Variants in UMAD1 observed in about 807,000 individuals in gnomAD.
The protein encoded by UMAD1 is UBAP1-MVB12-associated (UMA)-domain containing protein 1.
In UMAD1, 8 loss-of-function variants were observed where a neutral mutation model predicts 6.1. That is an observed-to-expected ratio of 1.30 (90% confidence interval 0.76 to 2.35). The LOEUF (loss-of-function observed/expected upper bound fraction) is 2.35. Among genes scored for constraint, UMAD1 ranks in the 30% most tolerant of loss-of-function variants. The pLI is 0.00. For missense variants in UMAD1, 130 were observed against 78.4 expected (o/e 1.66, Z -2.49); for synonymous variants, 56 against 31.4 (o/e 1.78, Z -2.61).
At chr7:7,759,440 G>A (rs542389838) in intron 2 of UMAD1, among the ~76,000 whole-genome samples, 4 of 152,300 alleles carry the variant, frequency 2.6e-5, no homozygotes, top group South Asian at 2.1e-4. Context: ...ATAAGAGTCC[G>A]GTTACATCGA....
At position 7,796,244 on chromosome 7, in the gene UMAD1, C is replaced by CTTTTTTTTTTTTTTTTTTTTTTTT. The variant is rs59221325; in HGVS notation, c.83-5425_83-5402dup. ...ACTTTGACCCATTTCTATTTTCTTT[C>CTTTTTTTTTTTTTTTTTTTTTTTT]TTTTTTTTTTTTTTTTTTTTTTTTG... On this transcript the variant is annotated intron_variant, in intron 2 of 3. Coordinates refer to ENST00000682710, the MANE Select transcript of UMAD1 (RefSeq NM_001302348.2). Among the ~76,000 whole-genome samples the CTTTTTTTTTTTTTTTTTTTTTTTT allele has an allele frequency of 6.7e-4, 43 of 63,950 alleles. 9 individuals carry two copies. The highest frequency in any genetic ancestry group is 3.6e-3 in the African/African-American group (37 of 10,242). The allele number at this position is 63,950 out of a possible 152,430, so 42.0% of individuals were successfully genotyped here.
rs200715443 is a variant in UMAD1 at position 7,785,352 on chromosome 7, T to C, written c.83-16318T>C. Among the ~76,000 whole-genome samples, 3 of 152,184 alleles carry C rather than the reference T, an allele frequency of 2.0e-5. No homozygotes were observed. The East Asian group carries it at 5.8e-4, about 29-fold the overall frequency. On this transcript the variant is annotated intron_variant, in intron 2 of 3. Transcript: ENST00000682710. ...GGAAGAATGTTCAAGACACACAGAG[T>C]AGCACACCTGAACGGAAGCAGATTT...
intron 2 of UMAD1, among the ~76,000 whole-genome samples, chr7:7,687,653 A>C (rs150805963): frequency 6.6e-6 from 1 of 152,206 alleles, no homozygotes; most frequent in Non-Finnish European, 1.5e-5. Context: ...ATTGCTGCCA[A>C]ACTCTGGTTG....
intron 2 of UMAD1, among the ~76,000 whole-genome samples, chr7:7,784,953 G>T (rs1430214946): frequency 6.6e-6 from 1 of 151,912 alleles, no homozygotes; most frequent in African/African-American, 2.4e-5. Context: ...TAGTAGAGAC[G>T]GGGTTTCACC....
intron 2 of UMAD1, among the ~76,000 whole-genome samples, chr7:7,756,119 A>G (rs921899950): frequency 6.6e-6 from 1 of 152,200 alleles, no homozygotes; most frequent in Non-Finnish European, 1.5e-5. Context: ...AAATGCTAAA[A>G]CTAGGCATAG....
intron 2 of UMAD1, among the ~76,000 whole-genome samples, chr7:7,685,116 G>T (rs1005954069): frequency 6.6e-6 from 1 of 152,088 alleles, no homozygotes; most frequent in Non-Finnish European, 1.5e-5. Context: ...TAAGTAAAAT[G>T]TACAGTATGA....
chr7:7,813,777 G>C (rs1273752350), intron 3 of UMAD1, among the ~76,000 whole-genome samples: 2 of 152,160 alleles, frequency 1.3e-5, no homozygotes, highest in Non-Finnish European at 2.9e-5. Context: ...ACCCATCGGA[G>C]AGCTGTATAT....
chr7:7,745,337 A>G (rs1736830573), intron 2 of UMAD1, among the ~76,000 whole-genome samples: 1 of 152,094 alleles, frequency 6.6e-6, no homozygotes, highest in African/African-American at 2.4e-5. Context: ...TTTCTTTTTG[A>G]GATTCTACTG....
chr7:7,693,253 A>G (rs1259403864), intron 2 of UMAD1, among the ~76,000 whole-genome samples: 1 of 152,028 alleles, frequency 6.6e-6, no homozygotes, highest in African/African-American at 2.4e-5. Context: ...AATTCACCAA[A>G]CATTTACTAA....
At chr7:7,874,765 C>A (rs1312709686) in intron 3 of UMAD1, among the ~76,000 whole-genome samples, 1 of 151,972 alleles carries the variant, frequency 6.6e-6, no homozygotes, top group African/African-American at 2.4e-5. Context: ...CAGGTAAAAC[C>A]AATTCTGTGT....
At chr7:7,783,107 A>G (rs1338478148) in intron 2 of UMAD1, among the ~76,000 whole-genome samples, 1 of 152,136 alleles carries the variant, frequency 6.6e-6, no homozygotes, top group African/African-American at 2.4e-5. Flanking sequence ...TCTTCTTTTG[A>G]GATGGTGGTT....
intron 2 of UMAD1, among the ~76,000 whole-genome samples, chr7:7,779,090 A>G (rs2115250490): frequency 6.6e-6 from 1 of 152,206 alleles, no homozygotes; most frequent in Middle Eastern, 3.4e-3. Context: ...ACTTGCCACC[A>G]TTTCTATCTC....
intron 2 of UMAD1, among the ~76,000 whole-genome samples, chr7:7,682,743 G>A (rs866527214): frequency 2.6e-5 from 4 of 152,228 alleles, no homozygotes; most frequent in African/African-American, 4.8e-5. Flanking sequence ...CCCACGTATC[G>A]GGATATCCAG....
chr7:7,745,652 A>G (rs752382886), intron 2 of UMAD1, among the ~76,000 whole-genome samples: 11 of 152,216 alleles, frequency 7.2e-5, no homozygotes, highest in Non-Finnish European at 1.3e-4. Context: ...TTTATAAACC[A>G]AGGAGAGTTT....
chr7:7,834,636 C>T (rs892119934), intron 3 of UMAD1, among the ~76,000 whole-genome samples: 1 of 151,922 alleles, frequency 6.6e-6, no homozygotes. Flanking sequence ...AAAGAACTCT[C>T]TCCCTCTTCT....
Position 7,710,859 on chromosome 7 carries a change from G to T in UMAD1, c.82+37406G>T, listed in dbSNP as rs137926215. 2.0e-4 allele frequency among the ~76,000 whole-genome samples: 31 copies of T among 152,278 alleles called. No individual in the cohort carries two copies. The East Asian group carries it at 5.6e-3, about 27-fold the overall frequency. On this transcript the variant is annotated intron_variant, in intron 2 of 3. Coordinates refer to ENST00000682710, the MANE Select transcript of UMAD1 (RefSeq NM_001302348.2). Reference sequence around the variant, plus strand: ...ATCATGGAATAATACTCAGCAAGAAGAAGTAACAAACTGTTGATATATACA... The same window carrying T: ...ATCATGGAATAATACTCAGCAAGAATAAGTAACAAACTGTTGATATATACA...
At position 7,877,437 on chromosome 7, in the gene UMAD1, A is replaced by G; in HGVS notation, c.313A>G (p.Thr105Ala). ...TGTGCTGGCAGTACAGGGCACCATC[A>G]CTGACCTTCCCGACCACTTACTCTC... ...PHVLAVQGTI[T>A]DLPDHLLSYD... Residue 105 changes from threonine to alanine, a missense_variant, in exon 4 of 4, where the codon ACT (threonine) becomes GCT (alanine). Physicochemically the swap from Thr to Ala is moderately conservative, Grantham distance 58. Transcript: ENST00000682710. 1 of 717,698 alleles carries G rather than the reference A, an allele frequency of 1.4e-6. No homozygotes were observed. The highest frequency in any genetic ancestry group is 1.5e-5 in the South Asian group (1 of 67,596). 44.5% of individuals were successfully genotyped at this position (717,698 alleles called of 1,614,324 possible).
At chr7:7,727,483 C>A (rs1348095638) in intron 2 of UMAD1, among the ~76,000 whole-genome samples, 1 of 152,030 alleles carries the variant, frequency 6.6e-6, no homozygotes, top group Non-Finnish European at 1.5e-5. Context: ...TTCAAGTTGA[C>A]AAGGAGTGGA....
At chr7:7,857,716 A>G (rs1784044172) in intron 3 of UMAD1, among the ~76,000 whole-genome samples, 2 of 152,254 alleles carry the variant, frequency 1.3e-5, no homozygotes, top group East Asian at 1.9e-4. Flanking sequence ...CAGGGTGTCT[A>G]AGATCCACAT....
Sources: allele counts gnomAD v4.1 joint callset (sites outside exome capture counted in the v4.1 genomes callset), GRCh38; gene constraint gnomAD v4.1.1; transcripts MANE v1.5; gene names NCBI Gene and HGNC (gene_info 2026-07-23, HGNC 2026-07-21).